Variants in IGSF10 observed in about 807,000 individuals in gnomAD.
The protein encoded by IGSF10 is immunoglobulin superfamily member 10.
Under a neutral mutation model 128.2 loss-of-function variants are expected in IGSF10, and 126 were observed. That is an observed-to-expected ratio of 0.98 (90% CI 0.85 to 1.14). IGSF10 has a LOEUF of 1.14. Ranked by LOEUF, IGSF10 falls within the 50% of genes most tolerant of loss-of-function variation. IGSF10 has a pLI of 0.00. For missense variants in IGSF10, 3,295 were observed against 3,149.8 expected (o/e 1.05, Z -1.10); for synonymous variants, 1,185 against 1,146.2 (o/e 1.03, Z -0.68).
the IGSF10 span, among the ~76,000 whole-genome samples, chr3:151,504,071 C>A: frequency 3.3e-5 from 5 of 152,236 alleles, no homozygotes; most frequent in East Asian, 7.7e-4. Flanking sequence ...ACCATAATTT[C>A]TAATCTTGTG....
chr3:151,486,112 C>T, the IGSF10 span, among the ~76,000 whole-genome samples: 8 of 151,874 alleles, frequency 5.3e-5, no homozygotes, highest in African/African-American at 1.9e-4. Context: ...AGGGAGATTA[C>T]CAAGCAAATG....
chr3:151,559,008 T>C, the IGSF10 span, among the ~76,000 whole-genome samples: 1 of 152,024 alleles, frequency 6.6e-6, no homozygotes, highest in African/African-American at 2.4e-5. Context: ...GCCTTAAGGG[T>C]TCAGTTACAG....
chr3:151,438,641 T>C (rs1720615953), intron 7 of IGSF10, 44 bp from the exon 8 acceptor site: 1 of 1,485,294 alleles, frequency 6.7e-7, no homozygotes, highest in Non-Finnish European at 9.2e-7. Flanking sequence ...CTGTTAGCAA[T>C]GAGGGAAACT....
downstream of IGSF10, chr3:151,433,988 G>T (rs1179430472): frequency 6.6e-6 from 1 of 152,506 alleles, no homozygotes; most frequent in Non-Finnish European, 1.5e-5. Flanking sequence ...GAGTAAAAAA[G>T]AAACCAGTAA....
chr3:151,613,077 A>G, the IGSF10 span, among the ~76,000 whole-genome samples: 1 of 152,140 alleles, frequency 6.6e-6, no homozygotes, highest in Admixed American at 6.5e-5. Context: ...TCATGAGTGA[A>G]CTCCCATTCA....
At chr3:151,496,691 T>C in the IGSF10 span, among the ~76,000 whole-genome samples, 23 of 151,654 alleles carry the variant, frequency 1.5e-4, no homozygotes, top group Middle Eastern at 3.4e-3. Context: ...TGGGTATATA[T>C]CCAGTAATGG....
chr3:151,553,316 C>T, the IGSF10 span, among the ~76,000 whole-genome samples: 1 of 152,060 alleles, frequency 6.6e-6, no homozygotes, highest in East Asian at 1.9e-4. Flanking sequence ...ACATAATCTG[C>T]ATTCTAATGA....
the IGSF10 span, among the ~76,000 whole-genome samples, chr3:151,572,733 C>T: frequency 6.6e-6 from 1 of 151,936 alleles, no homozygotes; most frequent in Non-Finnish European, 1.5e-5. Flanking sequence ...GTTCTGCTCT[C>T]ATCTTAGTTA....
Position 151,443,597 on chromosome 3 carries a change from G to C in IGSF10, c.5350C>G (p.Gln1784Glu). ...TGGGATGATTCTGAGACAACTGTTT[G>C]GTTTGCAAGAATCCAGGTAACTGTA... ...SPTVTWILAN[Q>E]TVVSESSQGS... Residue 1784 changes from glutamine to glutamate, a missense_variant, in exon 7 of 8, where the codon CAA becomes GAA. Coordinates refer to ENST00000282466, the MANE Select transcript of IGSF10 (RefSeq NM_178822.5). 1.2e-6 allele frequency: 2 copies of C among 1,614,206 alleles called. No individual in the cohort carries two copies. Among genetic ancestry groups the C allele is most frequent in the Non-Finnish European group, 1.7e-6 (2 of 1,180,044 alleles).
the IGSF10 span, among the ~76,000 whole-genome samples, chr3:151,501,845 T>A: frequency 6.6e-6 from 1 of 152,238 alleles, no homozygotes; most frequent in East Asian, 1.9e-4. Flanking sequence ...ACATTGTTTT[T>A]GGAAAAATTA....
At chr3:151,562,337 G>T in the IGSF10 span, among the ~76,000 whole-genome samples, 1 of 152,096 alleles carries the variant, frequency 6.6e-6, no homozygotes, top group African/African-American at 2.4e-5. Context: ...ATGTCATCAA[G>T]AAATAACCAT....
rs1171513417 is a variant in IGSF10, at chr3:151,449,374, G to T, written c.716-109C>A. ...AAGCTGAAACAATTTGGAAATTTTAGTGTTCAATGGAAAGTTTTCTGATTT... is the reference window on the plus strand; with the variant it reads ...AAGCTGAAACAATTTGGAAATTTTATTGTTCAATGGAAAGTTTTCTGATTT... On this transcript the variant is annotated intron_variant, in intron 5 of 7. Transcript: ENST00000282466. 4.6e-6 allele frequency: 5 copies of T among 1,085,470 alleles called. No individual in the cohort carries two copies. The African/African-American group carries it at 7.9e-5, about 17-fold the overall frequency. 67.2% of individuals were successfully genotyped at this position (1,085,470 alleles called of 1,614,324 possible).
In IGSF10 at chr3:151,437,170, A is replaced by G. The variant is rs1933111627; in HGVS notation, c.7391T>C (p.Ile2464Thr). Residue 2464 changes from isoleucine (I) to threonine (T), a missense_variant, in exon 8 of 8, where the codon ATC (isoleucine) becomes ACC (threonine). Coordinates refer to ENST00000282466, the MANE Select transcript of IGSF10 (RefSeq NM_178822.5). The part of the protein sequence containing the change: ...CVSDGIPKPN[I>T]KWTMPSGYVV... ...ATAACCACTTGGCATAGTCCATTTG[A>G]TATTTGGCTTAGGGATTCCATCAGA... is the stretch of plus-strand genomic sequence containing the variant. 6.2e-7 allele frequency: 1 copy of G among 1,614,026 alleles called. No individual in the cohort carries two copies. Among genetic ancestry groups the G allele is most frequent in the Admixed American group, 1.7e-5 (1 of 60,004 alleles).
the IGSF10 span, among the ~76,000 whole-genome samples, chr3:151,585,565 T>C: frequency 6.6e-6 from 1 of 152,150 alleles, no homozygotes; most frequent in East Asian, 1.9e-4. Flanking sequence ...TTTACCTTTT[T>C]ATTGGGTTCC....
At chr3:151,578,757 T>C in the IGSF10 span, among the ~76,000 whole-genome samples, 2 of 152,208 alleles carry the variant, frequency 1.3e-5, no homozygotes, top group Non-Finnish European at 2.9e-5. Flanking sequence ...CCATTGGAGC[T>C]AGGAGAAGAA....
the IGSF10 span, among the ~76,000 whole-genome samples, chr3:151,576,313 T>C: frequency 6.6e-6 from 1 of 152,194 alleles, no homozygotes; most frequent in Non-Finnish European, 1.5e-5. Flanking sequence ...AATTATGCCT[T>C]GTCTGAAGTC....
At position 151,449,094 on chromosome 3, in the gene IGSF10, A is replaced by C. The variant is rs747425833; in HGVS notation, c.887T>G (p.Leu296Arg). 14 of 1,614,218 alleles carry C rather than the reference A, an allele frequency of 8.7e-6. No individual in the cohort carries two copies. The South Asian group carries it at 1.4e-4, about 16-fold the overall frequency. ...SSLKSKSLTI[L>R]EDSSSAFISP... ...GATGAAAGCAGAACTACTGTCTTCC[A>C]GAATAGTCAGGCTCTTTGATTTCAG... Residue 296 changes from leucine (L) to arginine (R), a missense_variant, in exon 6 of 8, where the codon CTG (leucine) becomes CGG (arginine). By Grantham distance (102) the Leu-to-Arg change is moderately radical. Coordinates refer to ENST00000282466, the MANE Select transcript of IGSF10 (RefSeq NM_178822.5).
Position 151,448,423 on chromosome 3 carries a change from G to C in IGSF10, c.1558C>G (p.Pro520Ala). Residue 520 changes from proline (P) to alanine (A), a missense_variant, in exon 6 of 8, where the codon CCT (proline) becomes GCT (alanine). Physicochemically the swap from Pro to Ala is conservative, Grantham distance 27. Coordinates refer to ENST00000282466, the MANE Select transcript of IGSF10 (RefSeq NM_178822.5). ...ATCCGTCCATCCTCACTGACATAAG[G>C]GGCTCTCACTTTACTTCCATCAGCT... ...LLADGSKVRA[P>A]YVSEDGRILI... 1 of 1,614,106 alleles carries C rather than the reference G, an allele frequency of 6.2e-7. No homozygotes were observed. The highest frequency in any genetic ancestry group is 8.5e-7 in the Non-Finnish European group (1 of 1,180,026).
the IGSF10 span, among the ~76,000 whole-genome samples, chr3:151,534,932 A>AT: frequency 6.6e-6 from 1 of 152,078 alleles, no homozygotes; most frequent in African/African-American, 2.4e-5. Context: ...CTGTCACAGT[A>AT]GTTACAAGCA....
Sources: gnomAD v4.1 joint callset for allele counts (sites outside exome capture counted in the v4.1 genomes callset) on GRCh38, gnomAD v4.1.1 for gene constraint, MANE v1.5 for transcripts, NCBI Gene and HGNC (gene_info 2026-07-23, HGNC 2026-07-21) for gene names.